Variants in MYO19 observed in about 807,000 individuals in gnomAD.
The protein encoded by MYO19 is unconventional myosin-XIX.
MYO19 carries 132 observed loss-of-function variants against 129.2 expected under a neutral mutation model. That is an observed-to-expected ratio of 1.02 (90% confidence interval 0.89 to 1.18). MYO19 has a LOEUF of 1.18. Ranked by LOEUF, MYO19 falls within the 50% of genes most tolerant of loss-of-function variation. The probability of loss-of-function intolerance (pLI) is 0.00; values close to 1 mark genes in which losing one functional copy is unlikely to be tolerated. For missense variants in MYO19, 1,210 were observed against 1,216.7 expected, an observed-to-expected ratio of 0.99 and a Z score of 0.08; for synonymous variants, 531 against 477.2, an observed-to-expected ratio of 1.11 and a Z score of -1.47.
At chr17:36,536,524 CTTTTTTTTT>C (rs10715370), upstream of MYO19, among the ~76,000 whole-genome samples, 2 of 125,532 alleles carry the variant, frequency 1.6e-5, no homozygotes, top group African/African-American at 2.9e-5. Context: ...TTTTCTTTTC[CTTTTTTTTT>C]TTTTTTTTTT....
chr17:36,504,731 G>C (rs904378608), intron 19 of MYO19: 6 of 175,440 alleles, frequency 3.4e-5, no homozygotes, highest in African/African-American at 1.4e-4. Flanking sequence ...TGGCTAACAT[G>C]GTGAAACTCC....
At chr17:36,515,447 G>A (rs559986499) in intron 7 of MYO19, among the ~76,000 whole-genome samples, 1 of 152,282 alleles carries the variant, frequency 6.6e-6, no homozygotes, top group Admixed American at 6.5e-5. Context: ...TGAAGGGAAA[G>A]GTCAAAAACA....
intron 16 of MYO19, 86 bp from the exon 17 acceptor site, chr17:36,507,225 C>G (rs2071972035): frequency 6.5e-6 from 10 of 1,532,196 alleles, no homozygotes; most frequent in South Asian, 1.2e-5. Flanking sequence ...GACCCCATGA[C>G]AGCAGACATC....
chr17:36,498,771 G>C (rs370111754), intron 24 of MYO19: 6 of 604,460 alleles, frequency 9.9e-6, no homozygotes, highest in South Asian at 2.1e-5. Context: ...TATGCTACTT[G>C]AAAACAAGAT....
chr17:36,519,719 T>C (rs1460624293), intron 6 of MYO19, among the ~76,000 whole-genome samples: 2 of 106,730 alleles, frequency 1.9e-5, no homozygotes, highest in African/African-American at 3.6e-5. Flanking sequence ...CTGGTTTTCA[T>C]ATTCTTTTGC....
intron 5 of MYO19, 124 bp downstream of exon 5, chr17:36,527,427 G>A: frequency 9.1e-7 from 1 of 1,103,362 alleles, no homozygotes; most frequent in Non-Finnish European, 1.2e-6. Flanking sequence ...GGCAGGCCGT[G>A]GCACTAGCAG....
chr17:36,528,269 G>GATT, intron 3 of MYO19, 67 bp from the exon 4 acceptor site: 1 of 1,504,082 alleles, frequency 6.6e-7, no homozygotes, highest in Non-Finnish European at 9.0e-7. Context: ...AGCACTCTGG[G>GATT]AGGCCAAGGC....
In MYO19 at chr17:36,505,356, A is replaced by C; in HGVS notation, c.1846T>G (p.Tyr616Asp). ...LQVLHSTTPHYIRCIKPNSQG... is the reference protein window; with the variant it reads ...LQVLHSTTPHDIRCIKPNSQG... ...CTGTTGGGCTTGATGCAGCGAATGTAGTGGGGCGTGGTGCTGTGTAGGACC... is the reference window on the plus strand; with the variant it reads ...CTGTTGGGCTTGATGCAGCGAATGTCGTGGGGCGTGGTGCTGTGTAGGACC... Residue 616 changes from tyrosine (Y) to aspartate (D), a missense_variant, in exon 19 of 26, where the codon TAC (tyrosine) becomes GAC (aspartate). Tyr to Asp is a radical substitution (Grantham distance 160, BLOSUM62 -3). Coordinates refer to ENST00000614623, the MANE Select transcript of MYO19 (RefSeq NM_001163735.2). 1 of 1,614,216 alleles carries C rather than the reference A, an allele frequency of 6.2e-7. No individual in the cohort carries two copies.
At chr17:36,528,781 G>C (rs1387538381) in intron 3 of MYO19, among the ~76,000 whole-genome samples, 1 of 152,170 alleles carries the variant, frequency 6.6e-6, no homozygotes, top group African/African-American at 2.4e-5. Flanking sequence ...AAAGCATTTA[G>C]TCAGTGCCCG....
chr17:36,498,405 G>T lies in MYO19; in HGVS notation c.2618C>A (p.Thr873Lys), dbSNP rs759458830. 4.3e-6 allele frequency: 7 copies of T among 1,614,014 alleles called. No individual in the cohort carries two copies. The highest frequency in any genetic ancestry group is 1.3e-5 in the African/African-American group (1 of 75,044). Residue 873 changes from threonine (T) to lysine (K), a missense_variant, in exon 25 of 26, where the codon ACG becomes AAG. Transcript: ENST00000614623. ...CTGAAAGCTGCCTACACCCATAGCC[G>T]TATTGGCCAGGACCAGTCCCAGGGG... Reference protein sequence around the residue: ...LWPLGLVLANTAMGVGSFQRK... With the variant: ...LWPLGLVLANKAMGVGSFQRK...
Position 36,532,948 on chromosome 17 carries a change from G to A in MYO19, c.-143-267C>T, listed in dbSNP as rs554143802. Among the ~76,000 whole-genome samples, 92 of 152,268 alleles carry A rather than the reference G, an allele frequency of 6.0e-4. 2 individuals are homozygous for A. In the South Asian group the frequency reaches 0.018, roughly 30 times the overall value. On this transcript the variant is annotated intron_variant, in intron 2 of 25. Coordinates refer to ENST00000614623, the MANE Select transcript of MYO19 (RefSeq NM_001163735.2). ...CCCTCTGGGTCAGTGTGCCATGGAG[G>A]AGGAGTAAGACACTGGGGAGACAGA...
chr17:36,534,718 C>G (rs1396644229), intron 1 of MYO19, 43 bp downstream of exon 1: 1 of 152,272 alleles, frequency 6.6e-6, no homozygotes, highest in East Asian at 1.9e-4. Flanking sequence ...AAGCCCCTTC[C>G]GCGTCTGAAG....
chr17:36,506,333 C>T (rs1284300846), intron 18 of MYO19, 123 bp downstream of exon 18: 7 of 1,179,102 alleles, frequency 5.9e-6, no homozygotes, highest in Admixed American at 1.7e-5. Context: ...GGGACTGGGA[C>T]CACATCTACT....
rs775423067 is a variant in MYO19 at position 36,527,589 on chromosome 17, C to T, written c.262G>A (p.Glu88Lys). ...GCAGCATGGTACTCTCTCATTAGCTCGGGCGAGTAGAGCTGAGGAACAGGC... is the reference window on the plus strand; with the variant it reads ...GCAGCATGGTACTCTCTCATTAGCTTGGGCGAGTAGAGCTGAGGAACAGGC... ...FKPVPQLYSP[E>K]LMREYHAAPQ... The change falls in exon 5 of 26, where the codon GAG (glutamate) becomes AAG (lysine). Residue 88 changes from glutamate to lysine, a missense_variant. Transcript: ENST00000614623. 16 of 1,613,818 alleles carry T rather than the reference C, an allele frequency of 9.9e-6. No individual in the cohort carries two copies. Among genetic ancestry groups the T allele is most frequent in the East Asian group, 8.9e-5 (4 of 44,886 alleles).
chr17:36,516,548 C>G (rs2072763809), intron 6 of MYO19, among the ~76,000 whole-genome samples: 2 of 152,102 alleles, frequency 1.3e-5, no homozygotes, highest in Admixed American at 1.3e-4. Context: ...TTTTTTACAT[C>G]TTTAGTAAAG....
At chr17:36,535,006 C>G (rs1219907966), upstream of MYO19, 2 of 152,406 alleles carry the variant, frequency 1.3e-5, no homozygotes, top group Admixed American at 6.5e-5. Context: ...GCGGGGCGCG[C>G]ACGTGGCTTG....
intron 2 of MYO19, 118 bp from the exon 3 acceptor site, chr17:36,532,799 C>A: frequency 1.7e-6 from 1 of 577,926 alleles, no homozygotes; most frequent in Non-Finnish European, 3.1e-6. Flanking sequence ...CAGGCCTGGG[C>A]GGAGAGTGGG....
Position 36,541,806 on chromosome 17 carries a change from T to A in MYO19, n.395+275A>T, listed in dbSNP as rs541800570. On this transcript the variant is annotated intron_variant and non_coding_transcript_variant, in intron 2 of 2. Transcript: ENST00000610496. The stretch of plus-strand genomic sequence containing the variant: ...CAGATACTTTTCATTTTAAAGTACA[T>A]AGGATAATTCTCAAGAAGTATTTGC... 1.9e-4 allele frequency among the ~76,000 whole-genome samples: 29 copies of A among 152,334 alleles called. No individual in the cohort carries two copies. The South Asian group carries it at 6.0e-3, about 32-fold the overall frequency.
chr17:36,508,839 G>A (rs2072107473), intron 14 of MYO19: 2 of 573,196 alleles, frequency 3.5e-6, no homozygotes, highest in Admixed American at 3.0e-5. Context: ...GCACTGTTGA[G>A]CCTGTCTGGA....
Sources: gnomAD v4.1 joint callset for allele counts (sites outside exome capture counted in the v4.1 genomes callset) on GRCh38, gnomAD v4.1.1 for gene constraint, MANE v1.5 for transcripts, NCBI Gene and HGNC (gene_info 2026-07-23, HGNC 2026-07-21) for gene names.